The following LIMA1 variants were observed in gnomAD, a reference collection of about 807,000 sequenced individuals.
LIMA1 encodes LIM domain and actin binding 1.
In LIMA1, 52 loss-of-function variants were observed where a neutral mutation model predicts 62.6. The ratio of observed to expected loss-of-function variants is 0.83; its 90% CI spans 0.67 to 1.05. The LOEUF is 1.05. LIMA1 is among the 50% of genes least tolerant of loss of function. LIMA1 has a pLI of 0.00. For missense variants in LIMA1, 780 were observed against 902.2 expected (o/e 0.86, Z 1.74); for synonymous variants, 302 against 317.8 (o/e 0.95, Z 0.53).
At chr12:50,193,668 T>TTA (rs1555204647) in intron 8 of LIMA1, among the ~76,000 whole-genome samples, 1 of 79,264 alleles carries the variant, frequency 1.3e-5, no homozygotes, top group African/African-American at 6.4e-5. Flanking sequence ...ATATATATAT[T>TTA]TTTTTTTTTT....
At chr12:50,190,804 TAAA>T (rs1229932042) in intron 9 of LIMA1, among the ~76,000 whole-genome samples, 1 of 119,668 alleles carries the variant, frequency 8.4e-6, no homozygotes. Context: ...CAACAGGTCC[TAAA>T]AAAAAAAAAA....
intron 2 of LIMA1, among the ~76,000 whole-genome samples, chr12:50,232,387 T>G (rs1428666956): frequency 1.3e-5 from 2 of 150,218 alleles, no homozygotes; most frequent in Non-Finnish European, 3.0e-5. Context: ...TTTTTTTTTT[T>G]GAGATGGGAT....
In LIMA1 at chr12:50,214,024, C is replaced by CCACACACACACACACACA. The variant is rs10632810; in HGVS notation, c.631-7974_631-7957dup. Among the ~76,000 whole-genome samples, 220 of 104,588 alleles carry CCACACACACACACACACA rather than the reference C, an allele frequency of 2.1e-3. 1 individual carries two copies. Among genetic ancestry groups the CCACACACACACACACACA allele is most frequent in the African/African-American group, 4.2e-3 (133 of 31,576 alleles). 68.6% of individuals were successfully genotyped at this position (104,588 alleles called of 152,430 possible). On this transcript the variant is annotated intron_variant, in intron 4 of 10. Transcript: ENST00000341247. ...TTACCCTGGATCAATTATTATCTTA[C>CCACACACACACACACACA]CACACACACACACACACACACACAC... is the stretch of plus-strand genomic sequence containing the variant.
intron 1 of LIMA1, among the ~76,000 whole-genome samples, chr12:50,254,740 AG>A (rs1036249062): frequency 6.6e-6 from 1 of 152,140 alleles, no homozygotes; most frequent in African/African-American, 2.4e-5. Context: ...CTCCTGACCA[AG>A]GAAACTGTCT....
chr12:50,221,592 C>T (rs956662428), intron 4 of LIMA1, among the ~76,000 whole-genome samples: 4 of 152,162 alleles, frequency 2.6e-5, no homozygotes, highest in Non-Finnish European at 5.9e-5. Context: ...ATTCAGCTAG[C>T]AGAGACAAGT....
intron 2 of LIMA1, among the ~76,000 whole-genome samples, chr12:50,238,425 T>C (rs1941726683): frequency 6.6e-6 from 1 of 151,944 alleles, no homozygotes; most frequent in Admixed American, 6.6e-5. Context: ...GTGAATCATT[T>C]GAACCCAGGA....
chr12:50,271,992 G>A (rs1942217443), intron 1 of LIMA1, among the ~76,000 whole-genome samples: 1 of 152,076 alleles, frequency 6.6e-6, no homozygotes, highest in Non-Finnish European at 1.5e-5. Context: ...AAACACATAC[G>A]CTTATTTTAG....
At chr12:50,199,686 T>A (rs1328295408) in intron 7 of LIMA1, among the ~76,000 whole-genome samples, 8 of 152,330 alleles carry the variant, frequency 5.3e-5, no homozygotes, top group Admixed American at 3.3e-4. Flanking sequence ...TTATTTCCTA[T>A]GCTTACTTAG....
chr12:50,226,462 G>T (rs1196203157), intron 3 of LIMA1, among the ~76,000 whole-genome samples: 1 of 152,082 alleles, frequency 6.6e-6, no homozygotes, highest in African/African-American at 2.4e-5. Flanking sequence ...GGTAAAAATT[G>T]CTTCCAACTT....
At position 50,176,044 on chromosome 12, in the gene LIMA1, A is replaced by G. The variant is rs960338743; in HGVS notation, c.*1020T>C. On this transcript the variant is annotated 3_prime_UTR_variant, in exon 11 of 11. Coordinates refer to ENST00000341247, the MANE Select transcript of LIMA1 (RefSeq NM_016357.5). ...GAAAATCATCCCAAGAAAAAGGCCT[A>G]TAGTTGGTTTAATTTCACCCTGAGA... 6.6e-6 allele frequency: 1 copy of G among 152,164 alleles called. No individual in the cohort carries two copies. The highest frequency in any genetic ancestry group is 6.6e-5 in the Admixed American group (1 of 15,266). The allele number at this position is 152,164 out of a possible 1,614,324, so 9.4% of individuals were successfully genotyped here. A position where few individuals can be genotyped will look rare whatever the true frequency, so the allele number is the denominator to read the frequency against.
At chr12:50,230,798 C>T (rs976234376) in intron 3 of LIMA1, among the ~76,000 whole-genome samples, 2 of 151,434 alleles carry the variant, frequency 1.3e-5, no homozygotes, top group Non-Finnish European at 2.9e-5. Context: ...AGGATGGTCT[C>T]GATCTCTTGA....
intron 3 of LIMA1, among the ~76,000 whole-genome samples, chr12:50,230,725 C>T (rs961783363): frequency 5.9e-5 from 9 of 152,000 alleles, no homozygotes; most frequent in African/African-American, 1.4e-4. Flanking sequence ...TACAGGCGCC[C>T]GCCACCACGC....
chr12:50,257,547 T>C (rs2138663382), intron 1 of LIMA1, among the ~76,000 whole-genome samples: 1 of 152,316 alleles, frequency 6.6e-6, no homozygotes, highest in Non-Finnish European at 1.5e-5. Flanking sequence ...AATATGAACC[T>C]GTGATCAATT....
chr12:50,231,536 GA>G, intron 3 of LIMA1, 128 bp downstream of exon 3: 1 of 842,976 alleles, frequency 1.2e-6, no homozygotes, highest in Non-Finnish European at 2.0e-6. Flanking sequence ...ATGGCTCAGA[GA>G]TCACACCAGC....
intron 7 of LIMA1, among the ~76,000 whole-genome samples, chr12:50,198,830 A>T (rs11169314): frequency 0.37 from 56,436 of 152,096 alleles, 11,187 homozygotes; most frequent in African/African-American, 0.5. Flanking sequence ...GACATAAATA[A>T]TGTTACTTAT....
At position 50,177,895 on chromosome 12, in the gene LIMA1, A is replaced by G. The variant is rs142752739; in HGVS notation, c.1449T>C (p.Asn483=). The change falls in exon 11 of 11, where the codon AAT becomes AAC. Residue 483 remains asparagine, a synonymous_variant. Coordinates refer to ENST00000341247, the MANE Select transcript of LIMA1 (RefSeq NM_016357.5). Reference sequence around the variant, plus strand: ...CTGGGCTGTGAGGGGTCTCCCTTGCATTTGCAAGCTGGGCTGGTCTCTCCA... The same window carrying G: ...CTGGGCTGTGAGGGGTCTCCCTTGCGTTTGCAAGCTGGGCTGGTCTCTCCA... The part of the protein sequence containing the change: ...EILERPAQLA[N]ARETPHSPGV... 48 of 1,613,864 alleles carry G rather than the reference A, an allele frequency of 3.0e-5. No individual in the cohort carries two copies. In the Middle Eastern group the frequency reaches 5.0e-4, roughly 17 times the overall value.
chr12:50,198,158 T>A (rs903641822), intron 7 of LIMA1, among the ~76,000 whole-genome samples: 3 of 152,236 alleles, frequency 2.0e-5, no homozygotes, highest in Non-Finnish European at 4.4e-5. Context: ...CATTTTTCTG[T>A]GGGTCTGCTT....
intron 9 of LIMA1, among the ~76,000 whole-genome samples, chr12:50,183,511 G>A (rs1420811413): frequency 6.6e-6 from 1 of 152,016 alleles, no homozygotes; most frequent in Non-Finnish European, 1.5e-5. Flanking sequence ...ATAGAATTTT[G>A]AGTAAAAAAA....
At chr12:50,221,085 T>A (rs1052946727) in intron 4 of LIMA1, among the ~76,000 whole-genome samples, 2 of 152,214 alleles carry the variant, frequency 1.3e-5, no homozygotes, top group African/African-American at 4.8e-5. Flanking sequence ...TCAGAAAGAA[T>A]GCTTAATATT....
Sources: gnomAD v4.1 joint callset for allele counts (sites outside exome capture counted in the v4.1 genomes callset) on GRCh38, gnomAD v4.1.1 for gene constraint, MANE v1.5 for transcripts, NCBI Gene and HGNC (gene_info 2026-07-23, HGNC 2026-07-21) for gene names.